SDK1: variants seen among roughly 807,000 people sequenced by gnomAD.
SDK1 encodes the protein protein sidekick-1.
In SDK1, 157 loss-of-function variants were observed where a neutral mutation model predicts 245.5. The ratio of observed to expected loss-of-function variants is 0.64; its 90% CI spans 0.56 to 0.73. The LOEUF is 0.73. SDK1 is among the 30% of genes least tolerant of loss of function. SDK1 has a pLI of 0.00. For synonymous variants in SDK1, 1,647 were observed against 1,278.5 expected (o/e 1.29, Z -6.15); for missense variants, 3,583 against 3,002.3 (o/e 1.19, Z -4.52).
intron 28 of SDK1, among the ~76,000 whole-genome samples, chr7:4,137,622 T>G (rs934085334): frequency 6.6e-6 from 1 of 152,216 alleles, no homozygotes; most frequent in Admixed American, 6.5e-5. Context: ...TGTCTCGTAC[T>G]TGGCCTTGCT....
chr7:3,501,035 T>C (rs1172996318), intron 1 of SDK1, among the ~76,000 whole-genome samples: 2 of 152,202 alleles, frequency 1.3e-5, no homozygotes, highest in Non-Finnish European at 2.9e-5. Context: ...ACTGTTTTGA[T>C]TTCTAACTTC....
chr7:4,089,624 G>C (rs1007749595), intron 22 of SDK1, among the ~76,000 whole-genome samples: 1 of 152,218 alleles, frequency 6.6e-6, no homozygotes, highest in Non-Finnish European at 1.5e-5. Context: ...GGGCAGGGAA[G>C]CTCCGTCACG....
At chr7:4,044,131 A>C (rs1428513520) in intron 17 of SDK1, among the ~76,000 whole-genome samples, 6 of 152,188 alleles carry the variant, frequency 3.9e-5, no homozygotes, top group Admixed American at 3.9e-4. Flanking sequence ...GGGCTTGGAT[A>C]TGTGACCGTC....
chr7:3,726,199 A>G (rs1336181506), intron 4 of SDK1, among the ~76,000 whole-genome samples: 4 of 152,234 alleles, frequency 2.6e-5, no homozygotes, highest in African/African-American at 4.8e-5. Context: ...CCCAATTCAT[A>G]AAACTCTTTA....
intron 1 of SDK1, among the ~76,000 whole-genome samples, chr7:3,507,432 C>T (rs934447099): frequency 6.6e-6 from 1 of 152,180 alleles, no homozygotes; most frequent in African/African-American, 2.4e-5. Flanking sequence ...CCAGTACCTA[C>T]AGCATGGTGC....
intron 4 of SDK1, among the ~76,000 whole-genome samples, chr7:3,803,209 A>C (rs1403799053): frequency 6.6e-6 from 1 of 152,014 alleles, no homozygotes; most frequent in Non-Finnish European, 1.5e-5. Flanking sequence ...GTGATGCTCA[A>C]CACTTTTTAT....
At chr7:3,483,288 T>C (rs1381319518) in intron 1 of SDK1, among the ~76,000 whole-genome samples, 1 of 152,220 alleles carries the variant, frequency 6.6e-6, no homozygotes, top group Non-Finnish European at 1.5e-5. Flanking sequence ...TCAAGTTTTA[T>C]AGTTGTCTTC....
At chr7:4,214,893 G>A (rs1784706323) in intron 38 of SDK1, among the ~76,000 whole-genome samples, 1 of 152,242 alleles carries the variant, frequency 6.6e-6, no homozygotes, top group Non-Finnish European at 1.5e-5. Context: ...ATCATCCGTG[G>A]TCCGGCTCCA....
rs1213741119 is a variant in SDK1 at position 3,523,533 on chromosome 7, C to T, written c.299-95547C>T. ...ACGGCTGCTAATCTTTCAATGTTAG[C>T]TAAAGCTCCTAAGACTCCTGTAGAC... On this transcript the variant is annotated intron_variant, in intron 1 of 44. Coordinates refer to ENST00000404826, the MANE Select transcript of SDK1 (RefSeq NM_152744.4). 9.2e-5 allele frequency among the ~76,000 whole-genome samples: 14 copies of T among 152,234 alleles called. No individual in the cohort carries two copies. In the South Asian group the frequency reaches 2.9e-3, roughly 32 times the overall value.
intron 1 of SDK1, chr7:3,338,165 T>C (rs758991822): frequency 2.1e-5 from 5 of 238,498 alleles, no homozygotes; most frequent in Non-Finnish European, 3.3e-5. Flanking sequence ...GCACCTGGTA[T>C]GTTCTCTAGG....
chr7:3,508,461 G>A (rs1455928005), intron 1 of SDK1, among the ~76,000 whole-genome samples: 2 of 151,584 alleles, frequency 1.3e-5, no homozygotes, highest in Non-Finnish European at 2.9e-5. Context: ...CTGAGTAGCT[G>A]GGATTACAGC....
At chr7:3,700,666 C>G (rs935162705) in intron 4 of SDK1, among the ~76,000 whole-genome samples, 4 of 152,076 alleles carry the variant, frequency 2.6e-5, no homozygotes, top group Non-Finnish European at 4.4e-5. Context: ...CCACAACAAA[C>G]AAACAAAAAT....
rs186020338 is a variant in SDK1 at position 3,399,727 on chromosome 7, C to G, written c.298+97843C>G. Among the ~76,000 whole-genome samples, 553 of 152,190 alleles carry G rather than the reference C, an allele frequency of 3.6e-3. 3 individuals are homozygous for G. The highest frequency in any genetic ancestry group is 0.013 in the African/African-American group (522 of 41,534). On this transcript the variant is annotated intron_variant, in intron 1 of 44. Coordinates refer to ENST00000404826, the MANE Select transcript of SDK1 (RefSeq NM_152744.4). ...GATGATTGGACACAAATCCCTTTTA[C>G]TAAGTCTCCCATCCTTCTGTGAGGG...
chr7:3,550,716 C>G (rs1779374929), intron 1 of SDK1, among the ~76,000 whole-genome samples: 1 of 152,080 alleles, frequency 6.6e-6, no homozygotes, highest in African/African-American at 2.4e-5. Context: ...AATTGAAATG[C>G]TTTATATGAT....
rs572980913 is a variant in SDK1 at position 3,919,744 on chromosome 7, TG to T, written c.848-31178del. Among the ~76,000 whole-genome samples, 11 of 152,330 alleles carry T rather than the reference TG, an allele frequency of 7.2e-5. No homozygotes were observed. The South Asian group carries it at 2.1e-3, about 29-fold the overall frequency. The stretch of plus-strand genomic sequence containing the variant: ...GTTAGCTTGAAAGAACGTATGGTTT[TG>T]TTGGGAACTGTAAGGTGTAATTAAT... On this transcript the variant is annotated intron_variant, in intron 5 of 44. Transcript: ENST00000404826.
intron 1 of SDK1, among the ~76,000 whole-genome samples, chr7:3,345,724 T>A (rs1229024621): frequency 6.6e-6 from 1 of 152,242 alleles, no homozygotes. Flanking sequence ...GCCGTCTCTT[T>A]CCTGTTTCAG....
rs80017834 is a variant in SDK1, at chr7:3,998,239, C to T, written c.2131+10917C>T. ...AAGGGGCAGAGCTTCCACTTGTCCCCGGCTCCTATGGGCTCCTTGGAGCAA... is the reference window on the plus strand; with the variant it reads ...AAGGGGCAGAGCTTCCACTTGTCCCTGGCTCCTATGGGCTCCTTGGAGCAA... On this transcript the variant is annotated intron_variant, in intron 14 of 44. Coordinates refer to ENST00000404826, the MANE Select transcript of SDK1 (RefSeq NM_152744.4). 4.5e-3 allele frequency among the ~76,000 whole-genome samples: 691 copies of T among 152,352 alleles called. 5 individuals are homozygous for T. Among genetic ancestry groups the T allele is most frequent in the African/African-American group, 0.016 (655 of 41,600 alleles).
intron 12 of SDK1, among the ~76,000 whole-genome samples, chr7:3,973,836 G>A (rs1337465887): frequency 6.6e-6 from 1 of 151,990 alleles, no homozygotes; most frequent in East Asian, 1.9e-4. Flanking sequence ...CAAGATTTCT[G>A]GTTGCTTTTC....
At chr7:3,931,790 T>C (rs1441840742) in intron 5 of SDK1, among the ~76,000 whole-genome samples, 1 of 152,344 alleles carries the variant, frequency 6.6e-6, no homozygotes, top group East Asian at 1.9e-4. Flanking sequence ...TTCCATAGGT[T>C]GAACAGAGAC....
Sources: allele counts gnomAD v4.1 joint callset (sites outside exome capture counted in the v4.1 genomes callset), GRCh38; gene constraint gnomAD v4.1.1; transcripts MANE v1.5; gene names NCBI Gene and HGNC (gene_info 2026-07-23, HGNC 2026-07-21).